The following LYZL4 variants were observed in gnomAD, a reference collection of about 807,000 sequenced individuals.
The protein encoded by LYZL4 is lysozyme-like protein 4.
LYZL4 carries 13 observed loss-of-function variants against 17.6 expected under a neutral mutation model. The ratio of observed to expected loss-of-function variants is 0.74; its 90% CI spans 0.48 to 1.18. The LOEUF (loss-of-function observed/expected upper bound fraction) is 1.18, where lower values mean the gene tolerates loss of function less well. LYZL4 is among the 50% of genes most tolerant of loss of function. LYZL4 has a pLI of 0.00. For synonymous variants in LYZL4, 64 were observed against 67.7 expected (o/e 0.95, Z 0.27); for missense variants, 174 against 188.2 (o/e 0.92, Z 0.44).
the LYZL4 span, among the ~76,000 whole-genome samples, chr3:42,363,611 G>A: frequency 6.6e-6 from 1 of 152,238 alleles, no homozygotes; most frequent in East Asian, 1.9e-4. Flanking sequence ...TAAAAATCAA[G>A]CATCAATCCC....
chr3:42,385,544 G>A, the LYZL4 span, among the ~76,000 whole-genome samples: 42,463 of 152,028 alleles, frequency 0.28, 6,975 homozygotes, highest in South Asian at 0.5. Context: ...TGCACTTCTC[G>A]GATGTATCCA....
chr3:42,393,837 G>T (rs1577148454), downstream of LYZL4, among the ~76,000 whole-genome samples: 3 of 152,138 alleles, frequency 2.0e-5, no homozygotes, highest in South Asian at 6.2e-4. Flanking sequence ...TGTCGCTCAG[G>T]CTGGAGCGCA....
intron 4 of LYZL4, 104 bp downstream of exon 4, chr3:42,403,941 GT>G: frequency 6.6e-6 from 5 of 757,068 alleles, no homozygotes; most frequent in Admixed American, 2.5e-5. Flanking sequence ...GAGCCTTTTA[GT>G]TTTGGCACTG....
At chr3:42,369,373 T>G in the LYZL4 span, among the ~76,000 whole-genome samples, 1 of 152,262 alleles carries the variant, frequency 6.6e-6, no homozygotes. Context: ...ATATTTTGTC[T>G]TTAAAGTGAA....
At chr3:42,402,616 A>G (rs886469118) in intron 4 of LYZL4, among the ~76,000 whole-genome samples, 1 of 152,218 alleles carries the variant, frequency 6.6e-6, no homozygotes, top group Non-Finnish European at 1.5e-5. Flanking sequence ...ACTGGAAATT[A>G]CCAAGCGTGG....
At chr3:42,381,728 C>T in the LYZL4 span, among the ~76,000 whole-genome samples, 1 of 152,198 alleles carries the variant, frequency 6.6e-6, no homozygotes, top group African/African-American at 2.4e-5. Flanking sequence ...GGCCCCGTTT[C>T]ACTGGGTGGA....
At chr3:42,386,291 C>CG in the LYZL4 span, among the ~76,000 whole-genome samples, 4 of 150,552 alleles carry the variant, frequency 2.7e-5, no homozygotes, top group East Asian at 7.8e-4. Context: ...TTAGTAGGGG[C>CG]GGGGTTTTAC....
At chr3:42,390,308 A>G in the LYZL4 span, among the ~76,000 whole-genome samples, 1 of 152,224 alleles carries the variant, frequency 6.6e-6, no homozygotes, top group African/African-American at 2.4e-5. Context: ...AAGATGAGCT[A>G]TAGATGTCAG....
chr3:42,402,533 A>G (rs1698676143), intron 4 of LYZL4, among the ~76,000 whole-genome samples: 1 of 152,220 alleles, frequency 6.6e-6, no homozygotes, highest in Non-Finnish European at 1.5e-5. Flanking sequence ...ATGGCCAATA[A>G]ACATTTGAAA....
chr3:42,392,110 G>T (rs939709048), downstream of LYZL4, among the ~76,000 whole-genome samples: 1 of 152,190 alleles, frequency 6.6e-6, no homozygotes, highest in African/African-American at 2.4e-5. Flanking sequence ...GGCCTCAAGT[G>T]ATTGGCTTGC....
At position 42,404,142 on chromosome 3, in the gene LYZL4, T is replaced by C; in HGVS notation, c.293-18A>G. 1 of 1,545,878 alleles carries C rather than the reference T, an allele frequency of 6.5e-7. No homozygotes were observed. Among genetic ancestry groups the C allele is most frequent in the South Asian group, 1.1e-5 (1 of 89,488 alleles). On this transcript the variant is annotated intron_variant, in intron 3 of 4. Transcript: ENST00000287748. ...CAGTAAAGCTGTGGGGAAAAGAAAATGGAAGATACCATGCTGCCATATGAC... is the reference window on the plus strand; with the variant it reads ...CAGTAAAGCTGTGGGGAAAAGAAAACGGAAGATACCATGCTGCCATATGAC...
At chr3:42,375,962 C>T in the LYZL4 span, among the ~76,000 whole-genome samples, 17 of 152,116 alleles carry the variant, frequency 1.1e-4, no homozygotes, top group Admixed American at 7.2e-4. Context: ...AGGTGTGTAT[C>T]GACAGCACCT....
intron 3 of LYZL4, among the ~76,000 whole-genome samples, chr3:42,406,428 T>TG (rs1698750905): frequency 8.0e-6 from 1 of 124,630 alleles, no homozygotes; most frequent in Admixed American, 1.1e-4. Flanking sequence ...CACTCCAGCC[T>TG]GGGCGACTCA....
At chr3:42,371,479 T>C in the LYZL4 span, among the ~76,000 whole-genome samples, 1 of 152,224 alleles carries the variant, frequency 6.6e-6, no homozygotes, top group Non-Finnish European at 1.5e-5. Context: ...GAGTACATAA[T>C]AGAAATATAT....
intron 4 of LYZL4, among the ~76,000 whole-genome samples, chr3:42,400,039 CA>C (rs1489263005): frequency 2.0e-5 from 3 of 151,464 alleles, no homozygotes; most frequent in African/African-American, 7.3e-5. Flanking sequence ...CAAAACAAAA[CA>C]AAACAAAAAA....
At chr3:42,396,952 C>T (rs1437167314), downstream of LYZL4, 15 of 208,416 alleles carry the variant, frequency 7.2e-5, no homozygotes, top group African/African-American at 3.0e-4. Context: ...TTCATGGACA[C>T]ATCTTGTTTT....
At chr3:42,401,619 G>C (rs959885805) in intron 4 of LYZL4, among the ~76,000 whole-genome samples, 2 of 152,044 alleles carry the variant, frequency 1.3e-5, no homozygotes, top group African/African-American at 4.8e-5. Context: ...ATGACCTTTG[G>C]AAAAGTCATG....
chr3:42,381,853 G>A, the LYZL4 span, among the ~76,000 whole-genome samples: 264 of 152,272 alleles, frequency 1.7e-3, 1 homozygote, highest in African/African-American at 6.0e-3. Context: ...TCCTAAAGGC[G>A]GAGTCCTGGC....
chr3:42,371,769 C>T, the LYZL4 span, among the ~76,000 whole-genome samples: 2 of 151,974 alleles, frequency 1.3e-5, no homozygotes, highest in African/African-American at 4.8e-5. Context: ...AATCTGAAAC[C>T]CATGCAGACA....
Sources: gnomAD v4.1 joint callset for allele counts (sites outside exome capture counted in the v4.1 genomes callset) on GRCh38, gnomAD v4.1.1 for gene constraint, MANE v1.5 for transcripts, NCBI Gene and HGNC (gene_info 2026-07-23, HGNC 2026-07-21) for gene names.